Variants in ZNF678 observed in about 807,000 individuals in gnomAD.
The protein encoded by ZNF678 is zinc finger protein 678, also known as hypothetical protein MGC42493.
In ZNF678, 5 loss-of-function variants were observed where a neutral mutation model predicts 3.0. The observed-to-expected ratio is 1.69, with a 90% confidence interval of 0.88 to 3.56. The LOEUF is 3.56. Ranked by LOEUF, ZNF678 falls within the 30% of genes most tolerant of loss-of-function variation. The probability of loss-of-function intolerance (pLI) is 0.00; values close to 1 mark genes in which losing one functional copy is unlikely to be tolerated. For missense variants in ZNF678, 593 were observed against 605.0 expected (o/e 0.98, Z 0.21); for synonymous variants, 218 against 199.6 (o/e 1.09, Z -0.78).
chr1:227,641,534 TGAA>T (rs1175218245), intron 1 of ZNF678, among the ~76,000 whole-genome samples: 2 of 152,164 alleles, frequency 1.3e-5, no homozygotes, highest in African/African-American at 4.8e-5. Flanking sequence ...TTTCTGGAGT[TGAA>T]AATAATTTTG....
chr1:227,666,644 A>G (rs947782953), downstream of ZNF678, among the ~76,000 whole-genome samples: 12 of 151,910 alleles, frequency 7.9e-5, no homozygotes, highest in African/African-American at 2.7e-4. Context: ...GCAGTTCGAC[A>G]GGGGATATCC....
intron 5 of ZNF678, among the ~76,000 whole-genome samples, chr1:227,676,417 A>G (rs1044841453): frequency 6.6e-6 from 1 of 152,224 alleles, no homozygotes; most frequent in South Asian, 2.1e-4. Context: ...AGAAACCACA[A>G]TAGCAGAACT....
chr1:227,614,829 C>T (rs988037842), intron 1 of ZNF678, among the ~76,000 whole-genome samples: 15 of 152,230 alleles, frequency 9.9e-5, no homozygotes, highest in African/African-American at 3.4e-4. Context: ...CTCTGTCCTG[C>T]ACCCAGAATG....
At chr1:227,606,040 C>T (rs769954244) in intron 1 of ZNF678, among the ~76,000 whole-genome samples, 11 of 152,242 alleles carry the variant, frequency 7.2e-5, no homozygotes, top group East Asian at 5.8e-4. Context: ...CCCTCCACAC[C>T]GGTGGGTATT....
At position 227,660,481 on chromosome 1, in the gene ZNF678, CTG is replaced by C. The variant is rs1181720551; in HGVS notation, c.*4655_*4656del. ...ATAATTTTATTTGGAAGTAAACTTT[CTG>C]TAACTATTGCAGGTGTCAATTGTTT... On this transcript the variant is annotated 3_prime_UTR_variant, in exon 4 of 4. Coordinates refer to ENST00000343776, the MANE Select transcript of ZNF678 (RefSeq NM_001367909.1). 6.6e-6 allele frequency: 1 copy of C among 151,934 alleles called. No homozygotes were observed. The allele number at this position is 151,934 out of a possible 1,614,324, so 9.4% of individuals were successfully genotyped here. A position where few individuals can be genotyped will look rare whatever the true frequency, so the allele number is the denominator to read the frequency against.
At chr1:227,603,215 C>T (rs529912055) in intron 1 of ZNF678, among the ~76,000 whole-genome samples, 11 of 152,282 alleles carry the variant, frequency 7.2e-5, no homozygotes, top group African/African-American at 2.6e-4. Flanking sequence ...TCTGTTCCTC[C>T]CACGTCATGA....
intron 1 of ZNF678, among the ~76,000 whole-genome samples, chr1:227,566,693 A>C (rs890517887): frequency 1.3e-5 from 2 of 152,254 alleles, no homozygotes; most frequent in Non-Finnish European, 2.9e-5. Flanking sequence ...TATTAAGTAT[A>C]TATTACACTT....
intron 1 of ZNF678, among the ~76,000 whole-genome samples, chr1:227,566,766 GA>G (rs1205247855): frequency 3.3e-5 from 5 of 151,906 alleles, no homozygotes; most frequent in Non-Finnish European, 7.4e-5. Flanking sequence ...TGAATTCTAG[GA>G]AAAAAATATG....
At chr1:227,663,901 A>G (rs1022411203), downstream of ZNF678, among the ~76,000 whole-genome samples, 15 of 151,870 alleles carry the variant, frequency 9.9e-5, no homozygotes, top group Admixed American at 7.9e-4. Flanking sequence ...GCCCACTCCC[A>G]CCCAAGCCCA....
chr1:227,669,565 C>T (rs1230485222), intron 5 of ZNF678, among the ~76,000 whole-genome samples: 1 of 151,072 alleles, frequency 6.6e-6, no homozygotes, highest in Admixed American at 6.6e-5. Flanking sequence ...AGGAGAATGG[C>T]GGGAACCCGG....
chr1:227,627,206 A>G (rs1658440720), intron 1 of ZNF678, among the ~76,000 whole-genome samples: 1 of 151,836 alleles, frequency 6.6e-6, no homozygotes, highest in South Asian at 2.1e-4. Context: ...GGTGCTATCA[A>G]TGCCTAAGCG....
Position 227,650,862 on chromosome 1 carries a change from A to G in ZNF678, c.-36-94A>G, listed in dbSNP as rs1659072955. On this transcript the variant is annotated intron_variant, in intron 2 of 3. Coordinates refer to ENST00000343776, the MANE Select transcript of ZNF678 (RefSeq NM_001367909.1). Reference sequence around the variant, plus strand: ...TATTTGTTATGGCTTTCTACATATAAGATAATGTCATCAACAAACAGCAGT... The same window carrying G: ...TATTTGTTATGGCTTTCTACATATAGGATAATGTCATCAACAAACAGCAGT... 1.6e-5 allele frequency: 14 copies of G among 901,178 alleles called. No homozygotes were observed. In the South Asian group the frequency reaches 2.5e-4, roughly 16 times the overall value. 55.8% of individuals were successfully genotyped at this position (901,178 alleles called of 1,614,324 possible). A position where few individuals can be genotyped will look rare whatever the true frequency, so the allele number is the denominator to read the frequency against.
At chr1:227,606,872 G>C (rs986683865) in intron 1 of ZNF678, among the ~76,000 whole-genome samples, 2 of 152,190 alleles carry the variant, frequency 1.3e-5, no homozygotes, top group Non-Finnish European at 2.9e-5. Flanking sequence ...TACAGCACAT[G>C]TTTCTGTGAG....
chr1:227,601,208 G>T (rs1657728991), intron 1 of ZNF678, among the ~76,000 whole-genome samples: 1 of 151,994 alleles, frequency 6.6e-6, no homozygotes, highest in Non-Finnish European at 1.5e-5. Flanking sequence ...TTCCAGCATT[G>T]TTATTTTTGC....
intron 1 of ZNF678, chr1:227,582,620 C>T (rs1657160540): frequency 4.9e-6 from 1 of 203,060 alleles, no homozygotes; most frequent in Non-Finnish European, 1.0e-5. Context: ...TGAGACACCA[C>T]ACCTGGTCCT....
intron 1 of ZNF678, among the ~76,000 whole-genome samples, chr1:227,622,434 G>A (rs1368256416): frequency 6.6e-6 from 1 of 152,158 alleles, no homozygotes; most frequent in Non-Finnish European, 1.5e-5. Flanking sequence ...AAACCAAGCT[G>A]CATCCCAACC....
At chr1:227,625,632 A>G (rs1425387874) in intron 1 of ZNF678, among the ~76,000 whole-genome samples, 10 of 152,188 alleles carry the variant, frequency 6.6e-5, no homozygotes, top group Admixed American at 6.5e-4. Context: ...TTTCGGGCCA[A>G]GGCTTCATGG....
intron 1 of ZNF678, among the ~76,000 whole-genome samples, chr1:227,610,642 A>G (rs990932499): frequency 6.6e-6 from 1 of 152,126 alleles, no homozygotes; most frequent in African/African-American, 2.4e-5. Flanking sequence ...CTCAGTGACT[A>G]TTTCCTGTCA....
At chr1:227,641,458 A>G (rs1309037470) in intron 1 of ZNF678, among the ~76,000 whole-genome samples, 1 of 152,140 alleles carries the variant, frequency 6.6e-6, no homozygotes, top group African/African-American at 2.4e-5. Flanking sequence ...GATATATGTC[A>G]CATTGTGGTT....
Sources: gnomAD v4.1 joint callset for allele counts (sites outside exome capture counted in the v4.1 genomes callset) on GRCh38, gnomAD v4.1.1 for gene constraint, MANE v1.5 for transcripts, NCBI Gene and HGNC (gene_info 2026-07-23, HGNC 2026-07-21) for gene names.